Variants in OGG1 observed in about 807,000 individuals in gnomAD.
OGG1 encodes the protein N-glycosylase/DNA lyase.
A neutral mutation model predicts 42.3 loss-of-function variants in OGG1; 35 were observed. That is an observed-to-expected ratio of 0.83 (90% CI 0.63 to 1.10). The LOEUF is 1.10. OGG1 is among the 50% of genes least tolerant of loss of function. The probability of loss-of-function intolerance (pLI) is 0.00; values close to 1 mark genes in which losing one functional copy is unlikely to be tolerated. For synonymous variants in OGG1, 189 were observed against 179.0 expected, an observed-to-expected ratio of 1.06 and a Z score of -0.44; for missense variants, 484 against 446.7, an observed-to-expected ratio of 1.08 and a Z score of -0.75.
At chr3:9,759,524 C>T (rs150806322), downstream of OGG1, 13 of 1,614,168 alleles carry the variant, frequency 8.1e-6, no homozygotes, top group East Asian at 1.3e-4. Context: ...TCTTGATCTG[C>T]TCACTCACCG....
downstream of OGG1, chr3:9,759,505 C>CA (rs2077744492): frequency 1.2e-6 from 2 of 1,614,152 alleles, no homozygotes; most frequent in Non-Finnish European, 1.7e-6. Context: ...TTGCTCTTGG[C>CA]AAAGTTCTTC....
At chr3:9,789,601 C>T (rs1017912754), downstream of OGG1, 3 of 1,614,106 alleles carry the variant, frequency 1.9e-6, no homozygotes, top group South Asian at 1.1e-5. Flanking sequence ...TAGGGCTCCA[C>T]TGAAGCCCAG....
downstream of OGG1, among the ~76,000 whole-genome samples, chr3:9,790,826 G>C (rs1439049771): frequency 6.6e-6 from 1 of 152,194 alleles, no homozygotes; most frequent in Non-Finnish European, 1.5e-5. Flanking sequence ...CACATAGCTA[G>C]GAAACAGCAA....
At chr3:9,758,020 A>G (rs1437952352), downstream of OGG1, 1 of 884,406 alleles carries the variant, frequency 1.1e-6, no homozygotes, top group Non-Finnish European at 1.6e-6. Context: ...TTATATATTT[A>G]CACACACACA....
chr3:9,754,928 AAG>A lies in OGG1; in HGVS notation c.747+46_747+47del, dbSNP rs529006208. ...AGGAGCTGCCCTCTCTACTGACACT[AAG>A]AGGAGAGCAGGAAATGAGCCAAGCC... On this transcript the variant is annotated intron_variant, in intron 4 of 6. Transcript: ENST00000344629. 3.0e-4 allele frequency: 452 copies of A among 1,510,748 alleles called. 2 individuals carry two copies. The African/African-American group carries it at 5.8e-3, about 20-fold the overall frequency. The allele number at this position is 1,510,748 out of a possible 1,614,324, so 93.6% of individuals were successfully genotyped here.
chr3:9,749,989 A>C lies in OGG1; in HGVS notation c.-298A>C. On this transcript the variant is annotated 5_prime_UTR_variant, in exon 1 of 7. Transcript: ENST00000344629. ...GTCTGCCCCTGGAGAACCCAGAAGA[A>C]CACAGCTGTGCGCGCCCACAGGCTC... The C allele has an allele frequency of 4.3e-6, 2 of 461,076 alleles. No individual in the cohort carries two copies. The highest frequency in any genetic ancestry group is 7.9e-6 in the Non-Finnish European group (2 of 253,790). The allele number at this position is 461,076 out of a possible 1,614,324, so 28.6% of individuals were successfully genotyped here.
At chr3:9,786,414 C>A (rs3872718) in intron 3 of OGG1, among the ~76,000 whole-genome samples, 39,942 of 152,052 alleles carry the variant, frequency 0.26, 5,673 homozygotes, top group East Asian at 0.57. Context: ...GAGATAAACT[C>A]TTGTGTTTGA....
At chr3:9,761,034 G>A, downstream of OGG1, 1 of 445,836 alleles carries the variant, frequency 2.2e-6, no homozygotes. Context: ...CCAATGTCTG[G>A]CTCCCTCACC....
At chr3:9,785,431 A>T (rs1559717976) in intron 3 of OGG1, 1 of 1,601,058 alleles carries the variant, frequency 6.2e-7, no homozygotes, top group Non-Finnish European at 8.6e-7. Flanking sequence ...TTTTCCTAGA[A>T]GACCACAAAA....
At chr3:9,787,620 C>T (rs2078646677) in intron 3 of OGG1, 1 of 1,240,124 alleles carries the variant, frequency 8.1e-7, no homozygotes, top group African/African-American at 1.5e-5. Flanking sequence ...TGTCTCAGGT[C>T]ACAGCAATTG....
At chr3:9,750,728 G>A (rs1471976151) in intron 1 of OGG1, 2 of 706,526 alleles carry the variant, frequency 2.8e-6, no homozygotes, top group East Asian at 2.7e-5. Flanking sequence ...CCCCCCGGGC[G>A]CAGCCTCCCG....
intron 4 of OGG1, among the ~76,000 whole-genome samples, chr3:9,755,271 C>T (rs2077484279): frequency 6.6e-6 from 1 of 152,020 alleles, no homozygotes; most frequent in East Asian, 1.9e-4. Context: ...ACAATGTTGC[C>T]TAGGCTGGTC....
chr3:9,766,081 TC>T, exon 8 of OGG1: 1 of 1,540,996 alleles, frequency 6.5e-7, no homozygotes, highest in Non-Finnish European at 8.8e-7. Flanking sequence ...AAGTAGTCTC[TC>T]CCCTGGCCAC....
intron 3 of OGG1, chr3:9,781,634 G>A: frequency 2.2e-6 from 1 of 451,054 alleles, no homozygotes. Flanking sequence ...TCTCTGAACA[G>A]GGTCTGATTT....
At chr3:9,780,168 A>G in intron 2 of OGG1, 1 of 552,256 alleles carries the variant, frequency 1.8e-6, no homozygotes. Flanking sequence ...AGGCTAGCCC[A>G]GCAGGGCTTC....
In OGG1 at chr3:9,766,049, A is replaced by G. The variant is rs149790709; in HGVS notation, c.*218A>G. ...ATCCCCTGGCTCCAGAGATGGTCACATGACCCAGGCCTGGCCAGTCAAAGT... is the reference window on the plus strand; with the variant it reads ...ATCCCCTGGCTCCAGAGATGGTCACGTGACCCAGGCCTGGCCAGTCAAAGT... On this transcript the variant is annotated 3_prime_UTR_variant, in exon 8 of 8. Coordinates refer to the OGG1 transcript ENST00000302008. 8.1e-6 allele frequency: 13 copies of G among 1,599,094 alleles called. No homozygotes were observed. The Admixed American group carries it at 2.1e-4, about 26-fold the overall frequency.
intron 2 of OGG1, among the ~76,000 whole-genome samples, chr3:9,775,515 T>C (rs528892421): frequency 5.3e-5 from 8 of 152,286 alleles, no homozygotes; most frequent in African/African-American, 1.9e-4. Context: ...GCTCTGAGAG[T>C]GCTTTCTGCT....
chr3:9,751,685 G>A, intron 2 of OGG1, 85 bp from the exon 3 acceptor site: 2 of 1,279,606 alleles, frequency 1.6e-6, no homozygotes, highest in Non-Finnish European at 2.3e-6. Flanking sequence ...CTGGAGTTTT[G>A]GTACCTAGGA....
chr3:9,751,258 T>TA (rs2077291054), intron 2 of OGG1, 66 bp downstream of exon 2: 1 of 1,548,676 alleles, frequency 6.5e-7, no homozygotes, highest in Non-Finnish European at 8.8e-7. Context: ...TGACTCAGTT[T>TA]TGCCACCTGT....
Sources: allele counts gnomAD v4.1 joint callset (sites outside exome capture counted in the v4.1 genomes callset), GRCh38; gene constraint gnomAD v4.1.1; transcripts MANE v1.5; gene names NCBI Gene and HGNC (gene_info 2026-07-23, HGNC 2026-07-21).